Variants in NF1 observed in about 807,000 individuals in gnomAD.
The protein encoded by NF1 is neurofibromin.
Under a neutral mutation model 325.7 loss-of-function variants are expected in NF1, and 122 were observed. That is an observed-to-expected ratio of 0.37 (90% CI 0.32 to 0.44). The LOEUF is 0.44. NF1 is among the 20% of genes least tolerant of loss of function. NF1 has a pLI of 1.00. For synonymous variants in NF1, 1,091 were observed against 1,186.0 expected, an observed-to-expected ratio of 0.92 and a Z score of 1.65; for missense variants, 2,140 against 3,415.4, an observed-to-expected ratio of 0.63 and a Z score of 9.31.
intron 29 of NF1, among the ~76,000 whole-genome samples, chr17:31,240,025 A>G (rs1486914991): frequency 6.6e-6 from 1 of 152,172 alleles, no homozygotes; most frequent in Non-Finnish European, 1.5e-5. Flanking sequence ...TGGCCTCCCA[A>G]AGTGCTGTGA....
chr17:31,326,055 A>C lies in NF1; in HGVS notation c.5071A>C (p.Lys1691Gln). The change falls in exon 37 of 58, where the codon AAG (lysine) becomes CAG (glutamine). Residue 1691 changes from lysine (K) to glutamine (Q), a missense_variant. Coordinates refer to ENST00000358273, the MANE Select transcript of NF1 (RefSeq NM_001042492.3). ...NCNSWVREYT[K>Q]YHERLLTGLK... The stretch of plus-strand genomic sequence containing the variant: ...TAACTCCTGGGTCAGGGAGTACACC[A>C]AGTATCATGAGCGGCTGCTGACTGG... 1 of 1,614,170 alleles carries C rather than the reference A, an allele frequency of 6.2e-7. No homozygotes were observed. Among genetic ancestry groups the C allele is most frequent in the Non-Finnish European group, 8.5e-7 (1 of 1,180,022 alleles).
rs1307848784 is a variant in NF1, at chr17:31,374,474, G to A, written c.*319G>A. The stretch of plus-strand genomic sequence containing the variant: ...CAATTGTAAGAGAGGATGAATTCTT[G>A]AATACTGCTACTACTGGCCAGTGAT... On this transcript the variant is annotated 3_prime_UTR_variant, in exon 58 of 58. Coordinates refer to ENST00000358273, the MANE Select transcript of NF1 (RefSeq NM_001042492.3). 3 of 460,536 alleles carry A rather than the reference G, an allele frequency of 6.5e-6. No individual in the cohort carries two copies. Among genetic ancestry groups the A allele is most frequent in the Non-Finnish European group, 1.2e-5 (3 of 248,924 alleles). The allele number at this position is 460,536 out of a possible 1,614,324, so 28.5% of individuals were successfully genotyped here. A position where few individuals can be genotyped will look rare whatever the true frequency, so the allele number is the denominator to read the frequency against.
chr17:31,101,296 A>C (rs1912315889), intron 1 of NF1, among the ~76,000 whole-genome samples: 1 of 152,010 alleles, frequency 6.6e-6, no homozygotes, highest in African/African-American at 2.4e-5. Context: ...TTTTCTACTG[A>C]ATTGGAGTTC....
intron 1 of NF1, among the ~76,000 whole-genome samples, chr17:31,112,700 C>G (rs752452873): frequency 3.1e-4 from 47 of 152,172 alleles, no homozygotes; most frequent in Admixed American, 5.2e-4. Flanking sequence ...ATTTGCAAGT[C>G]TTCTAGTTTT....
At chr17:31,148,533 G>C (rs965485605) in intron 1 of NF1, among the ~76,000 whole-genome samples, 33 of 152,088 alleles carry the variant, frequency 2.2e-4, no homozygotes, top group Admixed American at 1.6e-3. Flanking sequence ...ATTACTATGG[G>C]ATTGGTCATT....
At chr17:31,095,969 C>G (rs777810609) in intron 1 of NF1, among the ~76,000 whole-genome samples, 31 of 152,116 alleles carry the variant, frequency 2.0e-4, no homozygotes, top group Non-Finnish European at 4.0e-4. Flanking sequence ...TCTCATCCTG[C>G]CCCGAGAGCT....
intron 16 of NF1, among the ~76,000 whole-genome samples, chr17:31,224,461 G>A (rs1305875983): frequency 6.6e-6 from 1 of 152,142 alleles, no homozygotes; most frequent in Non-Finnish European, 1.5e-5. Flanking sequence ...GACTAATGGT[G>A]AAGTGGGTTT....
At chr17:31,260,893 A>G (rs2067674577) in intron 34 of NF1, among the ~76,000 whole-genome samples, 1 of 152,218 alleles carries the variant, frequency 6.6e-6, no homozygotes, top group Admixed American at 6.5e-5. Flanking sequence ...TCAGTGTTTT[A>G]ATTCTATGAT....
intron 38 of NF1, among the ~76,000 whole-genome samples, chr17:31,330,087 A>G (rs1567613504): frequency 6.6e-6 from 1 of 152,132 alleles, no homozygotes; most frequent in African/African-American, 2.4e-5. Context: ...GGTTATATCA[A>G]GTGTGTCCCT....
intron 35 of NF1, among the ~76,000 whole-genome samples, chr17:31,263,509 T>A (rs2067731016): frequency 6.6e-6 from 1 of 150,480 alleles, no homozygotes; most frequent in Admixed American, 6.6e-5. Context: ...AATATAAAAA[T>A]GAATGAATCA....
chr17:31,374,841 A>G lies in NF1; in HGVS notation c.*686A>G. The G allele has an allele frequency of 4.3e-6, 1 of 231,634 alleles. No homozygotes were observed. The highest frequency in any genetic ancestry group is 8.6e-6 in the Non-Finnish European group (1 of 116,820). 14.3% of individuals were successfully genotyped at this position (231,634 alleles called of 1,614,324 possible). On this transcript the variant is annotated 3_prime_UTR_variant, in exon 58 of 58. Coordinates refer to ENST00000358273, the MANE Select transcript of NF1 (RefSeq NM_001042492.3). ...CAGGAAAATAAGTGCGACCACATAT[A>G]TCTTAACATTACTGAATTAAAACTA... is the stretch of plus-strand genomic sequence containing the variant.
chr17:31,374,281 G>A lies in NF1; in HGVS notation c.*126G>A, dbSNP rs184715593. 1.9e-3 allele frequency: 2,415 copies of A among 1,273,858 alleles called. 9 individuals carry two copies. Among genetic ancestry groups the A allele is most frequent in the Middle Eastern group, 1.9e-3 (8 of 4,148 alleles). 78.9% of individuals were successfully genotyped at this position (1,273,858 alleles called of 1,614,324 possible). On this transcript the variant is annotated 3_prime_UTR_variant, in exon 58 of 58. Transcript: ENST00000358273. ...TTCCTGTTTTATAATGAACCCATCC[G>A]GTTTGCCATGTTGCCAGATGATCAA...
At chr17:31,324,520 A>C (rs933359203) in intron 36 of NF1, among the ~76,000 whole-genome samples, 6 of 152,218 alleles carry the variant, frequency 3.9e-5, no homozygotes, top group African/African-American at 1.4e-4. Context: ...TATGAATAGT[A>C]GAACTTGTTC....
rs750178324 is a variant in NF1 at position 31,201,518 on chromosome 17, A to C, written c.1260+33A>C. The stretch of plus-strand genomic sequence containing the variant: ...CAAAAGGTATTGCTAAATTACTAAA[A>C]AAATTTTTTTCTTTCTTTTCTTTGC... On this transcript the variant is annotated intron_variant, in intron 11 of 57. Transcript: ENST00000358273. 2.6e-6 allele frequency: 4 copies of C among 1,531,128 alleles called. No individual in the cohort carries two copies. In the South Asian group the frequency reaches 4.6e-5, roughly 18 times the overall value. 94.8% of individuals were successfully genotyped at this position (1,531,128 alleles called of 1,614,324 possible).
At chr17:31,228,759 A>G (rs1339683588) in intron 20 of NF1, among the ~76,000 whole-genome samples, 1 of 152,156 alleles carries the variant, frequency 6.6e-6, no homozygotes, top group Non-Finnish European at 1.5e-5. Context: ...AGCTTCTTTC[A>G]CTTAGCATGA....
At chr17:31,297,925 G>A (rs9895926) in intron 36 of NF1, among the ~76,000 whole-genome samples, 1 of 152,102 alleles carries the variant, frequency 6.6e-6, no homozygotes, top group Non-Finnish European at 1.5e-5. Context: ...TTGGAAATTA[G>A]CATCTTATAC....
In NF1 at chr17:31,226,494, A is replaced by C. The variant is rs143671377; in HGVS notation, c.2061A>C (p.Leu687=). Reference sequence around the variant, plus strand: ...TTTGCCGACAAGCCCAGACCAAACTAGAAGTGGCCCTGTACATGTTTCTGT... The same window carrying C: ...TTTGCCGACAAGCCCAGACCAAACTCGAAGTGGCCCTGTACATGTTTCTGT... ...PPICRQAQTK[L]EVALYMFLWN... is the part of the protein sequence containing the mutation. The change falls in exon 18 of 58, where the codon CTA becomes CTC. Residue 687 remains leucine, a synonymous_variant. Transcript: ENST00000358273. 3 of 1,613,910 alleles carry C rather than the reference A, an allele frequency of 1.9e-6. No homozygotes were observed. The highest frequency in any genetic ancestry group is 3.3e-5 in the Admixed American group (2 of 59,998).
intron 57 of NF1, 75 bp from the exon 58 acceptor site, chr17:31,373,938 A>G (rs2151600954): frequency 6.4e-7 from 1 of 1,573,380 alleles, no homozygotes; most frequent in Non-Finnish European, 8.7e-7. Context: ...CCCGTTGTTA[A>G]GCGACACATG....
At chr17:31,349,424 T>C (rs2070085403) in intron 49 of NF1, among the ~76,000 whole-genome samples, 173 bp downstream of exon 49, 1 of 152,210 alleles carries the variant, frequency 6.6e-6, no homozygotes, top group African/African-American at 2.4e-5. Context: ...CATTTTTCTG[T>C]AGGAAAAAAT....
Sources: allele counts gnomAD v4.1 joint callset (sites outside exome capture counted in the v4.1 genomes callset), GRCh38; gene constraint gnomAD v4.1.1; transcripts MANE v1.5; gene names NCBI Gene and HGNC (gene_info 2026-07-23, HGNC 2026-07-21).